Variants in STXBP5L observed in about 807,000 individuals in gnomAD.
STXBP5L encodes syntaxin binding protein 5L.
In STXBP5L, 65 loss-of-function variants were observed where a neutral mutation model predicts 144.5. That is an observed-to-expected ratio of 0.45 (90% CI 0.37 to 0.55). STXBP5L has a LOEUF of 0.55. Among genes scored for constraint, STXBP5L ranks in the 20% least tolerant of loss-of-function variants. STXBP5L has a pLI of 0.00. For missense variants in STXBP5L, 1,298 were observed against 1,405.5 expected, an observed-to-expected ratio of 0.92 and a Z score of 1.22; for synonymous variants, 505 against 469.6, an observed-to-expected ratio of 1.08 and a Z score of -0.97.
chr3:121,038,780 T>A (rs990684851), intron 3 of STXBP5L, among the ~76,000 whole-genome samples: 1 of 151,894 alleles, frequency 6.6e-6, no homozygotes, highest in Admixed American at 6.6e-5. Flanking sequence ...TGTAATTAGG[T>A]GTATAATTTA....
chr3:121,086,665 G>A (rs561312514), intron 5 of STXBP5L, among the ~76,000 whole-genome samples: 2 of 152,118 alleles, frequency 1.3e-5, no homozygotes, highest in East Asian at 3.9e-4. Flanking sequence ...ATTCCTACCA[G>A]GTGAGCATCC....
chr3:121,395,242 G>C lies in STXBP5L; in HGVS notation c.2588-12001G>C, dbSNP rs41394944. 8.5e-3 allele frequency among the ~76,000 whole-genome samples: 1,296 copies of C among 152,116 alleles called. 93 individuals are homozygous for C. In the East Asian group the frequency reaches 0.19, roughly 23 times the overall value. Reference sequence around the variant, plus strand: ...TTTGCAATTTTACATCTTTTTTCAGGCTAAACCAAACGGAAAACAAAACAA... The same window carrying C: ...TTTGCAATTTTACATCTTTTTTCAGCCTAAACCAAACGGAAAACAAAACAA... On this transcript the variant is annotated intron_variant, in intron 22 of 26. Transcript: ENST00000471454.
chr3:120,977,032 G>T (rs1240640093), intron 3 of STXBP5L, among the ~76,000 whole-genome samples: 3 of 152,158 alleles, frequency 2.0e-5, no homozygotes, highest in African/African-American at 4.8e-5. Flanking sequence ...TTGATTTGGG[G>T]TGGAGAGTTC....
At chr3:121,324,416 T>C in intron 20 of STXBP5L, 1 of 599,396 alleles carries the variant, frequency 1.7e-6, no homozygotes. Flanking sequence ...GAAATTCAGC[T>C]TTATTAAAGA....
intron 7 of STXBP5L, among the ~76,000 whole-genome samples, chr3:121,151,128 C>T (rs191079428): frequency 2.6e-5 from 4 of 151,582 alleles, no homozygotes; most frequent in South Asian, 2.1e-4. Flanking sequence ...TTGGTTTCAT[C>T]GTTCATCATT....
intron 3 of STXBP5L, among the ~76,000 whole-genome samples, chr3:120,959,369 A>C (rs1938460647): frequency 6.6e-6 from 1 of 152,200 alleles, no homozygotes. Context: ...TCAAGCTACC[A>C]ATGACTTTCT....
intron 9 of STXBP5L, among the ~76,000 whole-genome samples, chr3:121,191,693 C>T (rs1312292071): frequency 6.6e-6 from 1 of 152,082 alleles, no homozygotes; most frequent in Non-Finnish European, 1.5e-5. Context: ...AAGAATTCTC[C>T]AACCCGAATG....
At chr3:120,994,631 C>T (rs776129782) in intron 3 of STXBP5L, among the ~76,000 whole-genome samples, 1 of 152,114 alleles carries the variant, frequency 6.6e-6, no homozygotes, top group Non-Finnish European at 1.5e-5. Flanking sequence ...TGAGATAAAT[C>T]CTACTTGATC....
At chr3:121,097,492 C>T (rs1458906891) in intron 5 of STXBP5L, among the ~76,000 whole-genome samples, 2 of 152,188 alleles carry the variant, frequency 1.3e-5, no homozygotes, top group Non-Finnish European at 2.9e-5. Context: ...GACCATGGGA[C>T]AAATGCAGTA....
At chr3:120,926,446 T>C (rs951280570) in intron 2 of STXBP5L, among the ~76,000 whole-genome samples, 4 of 152,088 alleles carry the variant, frequency 2.6e-5, no homozygotes, top group African/African-American at 9.6e-5. Flanking sequence ...TTTTATGTTA[T>C]TTGCGTATTT....
chr3:121,314,461 G>GGC, intron 19 of STXBP5L, among the ~76,000 whole-genome samples: 1 of 143,038 alleles, frequency 7.0e-6, no homozygotes, highest in Non-Finnish European at 1.5e-5. Flanking sequence ...CAGGCGTGGC[G>GGC]GCGCGCGCCT....
chr3:121,400,207 C>A (rs140407694), intron 22 of STXBP5L, among the ~76,000 whole-genome samples: 125 of 152,326 alleles, frequency 8.2e-4, no homozygotes, highest in East Asian at 5.4e-3. Context: ...TGCTCATGAG[C>A]AGTCTGCCTC....
At chr3:121,185,680 A>T (rs529583183) in intron 9 of STXBP5L, among the ~76,000 whole-genome samples, 1 of 152,212 alleles carries the variant, frequency 6.6e-6, no homozygotes, top group Non-Finnish European at 1.5e-5. Context: ...TACCAGTGCC[A>T]TACTGTTTTG....
At position 121,225,273 on chromosome 3, in the gene STXBP5L, G is replaced by A. The variant is rs573637006; in HGVS notation, c.1111+2116G>A. On this transcript the variant is annotated intron_variant, in intron 11 of 26. Transcript: ENST00000471454. ...GAGTACATCCCCAGCTGTAATCTCT[G>A]GGATTATCATTGGTGTTGGATTGTG... Among the ~76,000 whole-genome samples the A allele has an allele frequency of 4.6e-5, 7 of 152,052 alleles. No homozygotes were observed. In the South Asian group the frequency reaches 1.5e-3, roughly 32 times the overall value.
chr3:121,397,093 C>T (rs1231864535), intron 22 of STXBP5L, among the ~76,000 whole-genome samples: 1 of 152,218 alleles, frequency 6.6e-6, no homozygotes, highest in Non-Finnish European at 1.5e-5. Flanking sequence ...AGAAGCTTTA[C>T]CATTACTAGA....
chr3:121,270,886 C>A (rs2050715986), intron 18 of STXBP5L, among the ~76,000 whole-genome samples: 2 of 152,074 alleles, frequency 1.3e-5, no homozygotes, highest in South Asian at 4.2e-4. Context: ...ACCACAGAAA[C>A]AAGGTAATGT....
At chr3:121,058,419 A>G (rs946533726) in intron 5 of STXBP5L, among the ~76,000 whole-genome samples, 72 of 152,330 alleles carry the variant, frequency 4.7e-4, no homozygotes, top group Non-Finnish European at 1.8e-4. Context: ...TACTGTGAAC[A>G]GTGCTGCAAA....
At chr3:121,102,738 A>AG (rs1479861375) in intron 5 of STXBP5L, among the ~76,000 whole-genome samples, 1 of 152,180 alleles carries the variant, frequency 6.6e-6, no homozygotes, top group East Asian at 1.9e-4. Context: ...GCACAGCAAG[A>AG]TAAACTGTCA....
intron 5 of STXBP5L, among the ~76,000 whole-genome samples, chr3:121,074,930 A>G (rs1242450795): frequency 6.6e-6 from 1 of 152,180 alleles, no homozygotes; most frequent in Non-Finnish European, 1.5e-5. Flanking sequence ...CTGTAGCTCC[A>G]ATTATATTGA....
Sources: gnomAD v4.1 joint callset for allele counts (sites outside exome capture counted in the v4.1 genomes callset) on GRCh38, gnomAD v4.1.1 for gene constraint, MANE v1.5 for transcripts, NCBI Gene and HGNC (gene_info 2026-07-23, HGNC 2026-07-21) for gene names.